The following TEX36 variants were observed in gnomAD, a reference collection of about 807,000 sequenced individuals.
TEX36 encodes testis-expressed protein 36.
In TEX36, 12 loss-of-function variants were observed where a neutral mutation model predicts 13.6. That is an observed-to-expected ratio of 0.88 (90% CI 0.56 to 1.43). TEX36 has a LOEUF of 1.43. TEX36 is among the 40% of genes most tolerant of loss of function. The probability of loss-of-function intolerance (pLI) is 0.00; values close to 1 mark genes in which losing one functional copy is unlikely to be tolerated. For synonymous variants in TEX36, 93 were observed against 83.0 expected, an observed-to-expected ratio of 1.12 and a Z score of -0.65; for missense variants, 224 against 228.3, an observed-to-expected ratio of 0.98 and a Z score of 0.12.
chr10:125,674,897 T>C (rs1271172913), intron 1 of TEX36, among the ~76,000 whole-genome samples: 4 of 152,222 alleles, frequency 2.6e-5, no homozygotes, highest in Non-Finnish European at 4.4e-5. Flanking sequence ...TCAGGAGGCA[T>C]GGGAACCAGG....
chr10:125,625,166 T>C (rs1846472585), intron 3 of TEX36, among the ~76,000 whole-genome samples: 1 of 152,218 alleles, frequency 6.6e-6, no homozygotes, highest in Admixed American at 6.5e-5. Context: ...GCAGACGATA[T>C]GCGTGCATCC....
At chr10:125,652,968 A>T (rs1846883343), downstream of TEX36, among the ~76,000 whole-genome samples, 1 of 152,234 alleles carries the variant, frequency 6.6e-6, no homozygotes, top group Admixed American at 6.5e-5. Context: ...AATGGCGATC[A>T]TTAAAAAGTC....
At chr10:125,579,341 G>T (rs557082679) in intron 3 of TEX36, among the ~76,000 whole-genome samples, 3 of 152,126 alleles carry the variant, frequency 2.0e-5, no homozygotes, top group Non-Finnish European at 4.4e-5. Context: ...CAGTGGGAAG[G>T]GGGGCAAAGC....
chr10:125,611,140 G>A (rs1417771971), intron 3 of TEX36, among the ~76,000 whole-genome samples: 1 of 152,120 alleles, frequency 6.6e-6, no homozygotes, highest in African/African-American at 2.4e-5. Flanking sequence ...TTGTTAGACA[G>A]TTATGTTGTT....
At chr10:125,615,009 G>A (rs1846338982) in intron 3 of TEX36, among the ~76,000 whole-genome samples, 1 of 152,164 alleles carries the variant, frequency 6.6e-6, no homozygotes, top group Admixed American at 6.5e-5. Flanking sequence ...TCCCTTGTAA[G>A]TTGGATTCCT....
At position 125,661,863 on chromosome 10, in the gene TEX36, A is replaced by G. The variant is rs899525341; in HGVS notation, c.166T>C (p.Tyr56His). ...GGACTCACCTTCTCCCGGACTTTGT[A>G]TATGGGCGGCAGCTTCCCCTCCGCT... ...RQAEGKLPPIYKVREKQAVNN... is the reference protein window; with the variant it reads ...RQAEGKLPPIHKVREKQAVNN... The change falls in exon 2 of 4, where the codon TAC becomes CAC. Residue 56 changes from tyrosine (Y) to histidine (H), a missense_variant. Physicochemically the swap from Tyr to His is moderately conservative, Grantham distance 83. Transcript: ENST00000368821. 15 of 1,551,766 alleles carry G rather than the reference A, an allele frequency of 9.7e-6. No homozygotes were observed. Among genetic ancestry groups the G allele is most frequent in the Non-Finnish European group, 1.3e-5 (15 of 1,147,034 alleles).
chr10:125,639,601 G>GT (rs1447968512), intron 3 of TEX36, among the ~76,000 whole-genome samples: 3 of 149,460 alleles, frequency 2.0e-5, no homozygotes, highest in African/African-American at 7.4e-5. Context: ...ATGGGGCAAT[G>GT]TGGGGGGGTG....
At chr10:125,590,228 C>G (rs922363306) in intron 3 of TEX36, among the ~76,000 whole-genome samples, 1 of 152,104 alleles carries the variant, frequency 6.6e-6, no homozygotes, top group Non-Finnish European at 1.5e-5. Context: ...AATTCTCCCA[C>G]TTTCTCCTGT....
intron 3 of TEX36, among the ~76,000 whole-genome samples, chr10:125,581,403 C>T (rs746485404): frequency 1.3e-5 from 2 of 152,160 alleles, no homozygotes; most frequent in African/African-American, 4.8e-5. Flanking sequence ...TCCTCCCAGG[C>T]GCATCCTCCT....
chr10:125,648,563 A>C lies in TEX36; in HGVS notation c.264+12458T>G, dbSNP rs188423428. 1.4e-4 allele frequency among the ~76,000 whole-genome samples: 22 copies of C among 152,386 alleles called. No homozygotes were observed. In the East Asian group the frequency reaches 3.9e-3, roughly 27 times the overall value. ...CACAAAGATGGGGAGAAACCAGAGC[A>C]GAAAAGCTGAAAATTCTAAAAATCA... On this transcript the variant is annotated intron_variant, in intron 3 of 3. Transcript: ENST00000526819.
chr10:125,641,322 T>C (rs1386326288), intron 3 of TEX36, among the ~76,000 whole-genome samples: 4 of 152,250 alleles, frequency 2.6e-5, no homozygotes, highest in Non-Finnish European at 5.9e-5. Context: ...CAAAAGAGAA[T>C]GTACGTCTCT....
At chr10:125,632,131 C>T (rs988032477) in intron 3 of TEX36, among the ~76,000 whole-genome samples, 4 of 152,052 alleles carry the variant, frequency 2.6e-5, no homozygotes, top group Non-Finnish European at 5.9e-5. Flanking sequence ...TCTATGAGGA[C>T]TCCCAGGCTT....
downstream of TEX36, among the ~76,000 whole-genome samples, chr10:125,652,619 A>T (rs555836044): frequency 6.6e-6 from 1 of 152,340 alleles, no homozygotes; most frequent in East Asian, 1.9e-4. Flanking sequence ...TGGCAACAAA[A>T]GCCAAAATTG....
At chr10:125,608,655 C>T (rs978695341) in intron 3 of TEX36, among the ~76,000 whole-genome samples, 3 of 152,084 alleles carry the variant, frequency 2.0e-5, no homozygotes, top group Admixed American at 6.6e-5. Context: ...TCAGCCTCCC[C>T]GCTCAGCACA....
In TEX36 at chr10:125,597,556, C is replaced by T. The variant is rs144807897; in HGVS notation, c.265-20682G>A. ...ACATGGAGGTTTTATGTTGTTTTGGCCCAAAAAGGCAGGATATCTTGAAGT... is the reference window on the plus strand; with the variant it reads ...ACATGGAGGTTTTATGTTGTTTTGGTCCAAAAAGGCAGGATATCTTGAAGT... On this transcript the variant is annotated intron_variant, in intron 3 of 3. Coordinates refer to the TEX36 transcript ENST00000532135. Among the ~76,000 whole-genome samples, 4 of 152,208 alleles carry T rather than the reference C, an allele frequency of 2.6e-5. No individual in the cohort carries two copies. In the East Asian group the frequency reaches 5.8e-4, roughly 22 times the overall value.
chr10:125,583,374 G>A (rs947849611), intron 3 of TEX36, among the ~76,000 whole-genome samples: 4 of 152,224 alleles, frequency 2.6e-5, no homozygotes, highest in African/African-American at 9.6e-5. Context: ...CATGGTCTGT[G>A]TTTTCAAGAT....
intron 3 of TEX36, chr10:125,578,341 G>A (rs1357801741): frequency 6.6e-6 from 1 of 152,230 alleles, no homozygotes; most frequent in Non-Finnish European, 1.5e-5. Context: ...TATGGATGAT[G>A]AAAATAAATC....
chr10:125,649,754 C>T (rs1846825133), intron 3 of TEX36, among the ~76,000 whole-genome samples: 1 of 152,090 alleles, frequency 6.6e-6, no homozygotes. Flanking sequence ...GGAGACATAT[C>T]TCAAGTGCAG....
chr10:125,598,414 C>G (rs571098157), intron 3 of TEX36, among the ~76,000 whole-genome samples: 1 of 152,286 alleles, frequency 6.6e-6, no homozygotes, highest in East Asian at 1.9e-4. Flanking sequence ...CTGCCTTTGC[C>G]TCTGAGCTTG....
Sources: allele counts gnomAD v4.1 joint callset (sites outside exome capture counted in the v4.1 genomes callset), GRCh38; gene constraint gnomAD v4.1.1; transcripts MANE v1.5; gene names NCBI Gene and HGNC (gene_info 2026-07-23, HGNC 2026-07-21).